Variants in PAFAH2 observed in about 807,000 individuals in gnomAD.
PAFAH2 encodes platelet activating factor acetylhydrolase 2.
PAFAH2 carries 42 observed loss-of-function variants against 49.0 expected under a neutral mutation model. The ratio of observed to expected loss-of-function variants is 0.86; its 90% CI spans 0.67 to 1.11. PAFAH2 has a LOEUF of 1.11. Among genes scored for constraint, PAFAH2 ranks in the 50% least tolerant of loss-of-function variants. The probability of loss-of-function intolerance (pLI) is 0.00; values close to 1 mark genes in which losing one functional copy is unlikely to be tolerated. For synonymous variants in PAFAH2, 184 were observed against 181.3 expected (o/e 1.01, Z -0.12); for missense variants, 503 against 501.8 (o/e 1.00, Z -0.02).
intron 4 of PAFAH2, among the ~76,000 whole-genome samples, chr1:25,986,505 G>T (rs553420444): frequency 5.3e-5 from 8 of 152,266 alleles, no homozygotes; most frequent in Non-Finnish European, 8.8e-5. Flanking sequence ...ACCATGAAAA[G>T]AACTGAATTA....
chr1:25,965,873 C>A (rs1386803317), intron 10 of PAFAH2, among the ~76,000 whole-genome samples: 9 of 42,094 alleles, frequency 2.1e-4, no homozygotes, highest in South Asian at 1.9e-3. Flanking sequence ...AACAACTCAA[C>A]AAGAAAAAAA....
At chr1:25,964,637 T>C (rs1296034339) in intron 10 of PAFAH2, among the ~76,000 whole-genome samples, 1 of 152,152 alleles carries the variant, frequency 6.6e-6, no homozygotes, top group Non-Finnish European at 1.5e-5. Context: ...TCAATCCCAT[T>C]TGTAATGGCC....
At chr1:25,976,309 G>GT (rs552797216) in intron 8 of PAFAH2, among the ~76,000 whole-genome samples, 46 of 151,898 alleles carry the variant, frequency 3.0e-4, no homozygotes, top group Non-Finnish European at 6.2e-4. Flanking sequence ...TGGCTGTTTT[G>GT]TTTTTTTCAA....
chr1:25,961,995 G>A lies in PAFAH2; in HGVS notation c.1173C>T (p.Ser391=), dbSNP rs1394119697. The A allele has an allele frequency of 8.7e-6, 14 of 1,613,500 alleles. No individual in the cohort carries two copies. The highest frequency in any genetic ancestry group is 1.2e-5 in the Non-Finnish European group (14 of 1,179,620). Residue 391 remains serine, a synonymous_variant, in exon 11 of 11, where the codon AGC becomes AGT. Transcript: ENST00000374282. ...LTPGAPHHLS[S]L Reference sequence around the variant, plus strand: ...TACAAATGGCCAGTTGTGCCTACAGGCTGGACAGATGGTGGGGGGCCCCTG... The same window carrying A: ...TACAAATGGCCAGTTGTGCCTACAGACTGGACAGATGGTGGGGGGCCCCTG...
intron 1 of PAFAH2, among the ~76,000 whole-genome samples, chr1:25,993,306 T>C (rs547348059): frequency 6.6e-6 from 1 of 152,276 alleles, no homozygotes; most frequent in South Asian, 2.1e-4. Flanking sequence ...GATTCAGGAG[T>C]TCCAGTCAAA....
At chr1:25,976,612 G>T in intron 8 of PAFAH2, 70 bp downstream of exon 8, 2 of 1,134,904 alleles carry the variant, frequency 1.8e-6, no homozygotes, top group African/African-American at 1.5e-5. Context: ...TAGTACTTGT[G>T]TAACAAATAC....
intron 2 of PAFAH2, 59 bp from the exon 3 acceptor site, chr1:25,989,660 A>G (rs1315499894): frequency 1.5e-6 from 2 of 1,344,056 alleles, no homozygotes; most frequent in Admixed American, 3.4e-5. Flanking sequence ...ATTTCCCAAC[A>G]GCCACACTCA....
chr1:25,965,817 C>CAAAAAAAAA lies in PAFAH2; in HGVS notation c.1085-3743_1085-3735dup, dbSNP rs56272061. Among the ~76,000 whole-genome samples the CAAAAAAAAA allele has an allele frequency of 1.2e-4, 2 of 17,388 alleles. 1 individual carries two copies. The highest frequency in any genetic ancestry group is 5.2e-4 in the African/African-American group (2 of 3,868). 11.4% of individuals were successfully genotyped at this position (17,388 alleles called of 152,430 possible). A position where few individuals can be genotyped will look rare whatever the true frequency, so the allele number is the denominator to read the frequency against. On this transcript the variant is annotated intron_variant, in intron 10 of 10. Coordinates refer to ENST00000374282, the MANE Select transcript of PAFAH2 (RefSeq NM_000437.4). ...TGGGTGACAGAGCAAGACTTTGTCT[C>CAAAAAAAAA]AAAAAAAAAAAAAAAAAAAAAAAAA...
chr1:25,990,519 C>T (rs1378983935), intron 2 of PAFAH2, among the ~76,000 whole-genome samples: 2 of 152,156 alleles, frequency 1.3e-5, no homozygotes, highest in African/African-American at 2.4e-5. Context: ...AAAATGAACG[C>T]ATTATCTCTG....
At chr1:25,967,266 C>G (rs1055817328) in intron 10 of PAFAH2, among the ~76,000 whole-genome samples, 1 of 152,086 alleles carries the variant, frequency 6.6e-6, no homozygotes, top group African/African-American at 2.4e-5. Context: ...AGACTTTGAC[C>G]TGAGTAACTA....
chr1:25,979,312 C>T (rs925893108), intron 7 of PAFAH2, among the ~76,000 whole-genome samples: 1 of 123,602 alleles, frequency 8.1e-6, no homozygotes, highest in African/African-American at 2.5e-5. Context: ...CTGCCATTTA[C>T]CAATGCCTTT....
rs532165539 is a variant in PAFAH2, at chr1:25,974,235, T to C, written c.929+245A>G. Among the ~76,000 whole-genome samples the C allele has an allele frequency of 2.6e-5, 4 of 152,270 alleles. No individual in the cohort carries two copies. In the South Asian group the frequency reaches 6.2e-4, roughly 24 times the overall value. On this transcript the variant is annotated intron_variant, in intron 9 of 10. Coordinates refer to ENST00000374282, the MANE Select transcript of PAFAH2 (RefSeq NM_000437.4). ...ACACCCAACCCCATAATGCCCTTTTTCAGAAAGTACTAGGTAAATCCTGTC... is the reference window on the plus strand; with the variant it reads ...ACACCCAACCCCATAATGCCCTTTTCCAGAAAGTACTAGGTAAATCCTGTC...
intron 10 of PAFAH2, among the ~76,000 whole-genome samples, chr1:25,966,503 G>GA (rs2049425451): frequency 6.6e-6 from 1 of 152,180 alleles, no homozygotes; most frequent in Non-Finnish European, 1.5e-5. Flanking sequence ...AAATAACTCA[G>GA]AAACAGAAAG....
intron 3 of PAFAH2, among the ~76,000 whole-genome samples, chr1:25,988,747 G>C (rs1404717108): frequency 1.5e-5 from 2 of 133,840 alleles, no homozygotes; most frequent in Admixed American, 1.8e-4. Flanking sequence ...AGGTTGCAGT[G>C]AGCTGAGATT....
intron 6 of PAFAH2, 55 bp from the exon 7 acceptor site, chr1:25,982,532 A>G (rs2049707016): frequency 2.2e-6 from 3 of 1,333,490 alleles, no homozygotes; most frequent in Non-Finnish European, 3.2e-6. Context: ...GTCCAGCGAG[A>G]ATCTCCCTCA....
At chr1:25,995,115 TA>T (rs2049921155) in intron 1 of PAFAH2, among the ~76,000 whole-genome samples, 1 of 152,196 alleles carries the variant, frequency 6.6e-6, no homozygotes, top group African/African-American at 2.4e-5. Context: ...TCACTTTGTC[TA>T]AATAGTTCAT....
chr1:25,977,776 G>A (rs1572351057), intron 7 of PAFAH2, among the ~76,000 whole-genome samples: 2 of 151,860 alleles, frequency 1.3e-5, no homozygotes, highest in Admixed American at 6.6e-5. Context: ...TAGAATCTCT[G>A]CCTTATAAAC....
intron 7 of PAFAH2, among the ~76,000 whole-genome samples, chr1:25,980,448 AAG>A (rs2049667381): frequency 6.6e-6 from 1 of 151,144 alleles, no homozygotes; most frequent in African/African-American, 2.4e-5. Context: ...TCAGCCTCCC[AAG>A]TAGCCAGGAC....
intron 3 of PAFAH2, among the ~76,000 whole-genome samples, chr1:25,989,161 G>A (rs1207040510): frequency 1.3e-5 from 2 of 152,148 alleles, no homozygotes; most frequent in Non-Finnish European, 2.9e-5. Context: ...CGTACATCCC[G>A]TACTACAAAC....
Sources: gnomAD v4.1 joint callset for allele counts (sites outside exome capture counted in the v4.1 genomes callset) on GRCh38, gnomAD v4.1.1 for gene constraint, MANE v1.5 for transcripts, NCBI Gene and HGNC (gene_info 2026-07-23, HGNC 2026-07-21) for gene names.